CUX1: variants seen among roughly 807,000 people sequenced by gnomAD.
CUX1 encodes cut like homeobox 1, also known as protein CASP.
CUX1 carries 31 observed loss-of-function variants against 158.8 expected under a neutral mutation model. The observed-to-expected ratio is 0.20, with a 90% CI of 0.15 to 0.26. The LOEUF (loss-of-function observed/expected upper bound fraction) is 0.26. Ranked by LOEUF, CUX1 falls within the 10% of genes least tolerant of loss-of-function variation. The pLI, the probability that CUX1 is intolerant of heterozygous loss-of-function variation, is 1.00. For synonymous variants in CUX1, 879 were observed against 862.1 expected (o/e 1.02, Z -0.34); for missense variants, 1,589 against 2,014.6 (o/e 0.79, Z 4.04).
intron 3 of CUX1, among the ~76,000 whole-genome samples, chr7:102,031,487 A>G (rs1310127890): frequency 6.6e-6 from 1 of 152,192 alleles, no homozygotes; most frequent in Non-Finnish European, 1.5e-5. Context: ...TGAAATACCC[A>G]AGAAACATCT....
rs111458814 is a variant in CUX1 at position 102,146,743 on chromosome 7, G to A, written c.675-11817G>A. On this transcript the variant is annotated intron_variant, in intron 8 of 23. Coordinates refer to ENST00000292535, the MANE Select transcript of CUX1 (RefSeq NM_181552.4). ...CTCCTTAGTAGCTGGGATTACAGGC[G>A]CACGCCACCACACCTAGCTAATTTT... Among the ~76,000 whole-genome samples, 727 of 151,992 alleles carry A rather than the reference G, an allele frequency of 4.8e-3. 6 individuals carry two copies. Among genetic ancestry groups the A allele is most frequent in the African/African-American group, 0.017 (694 of 41,458 alleles).
In CUX1 at chr7:101,916,821, G is replaced by A. The variant is rs1339212757; in HGVS notation, c.141+596G>A. Among the ~76,000 whole-genome samples the A allele has an allele frequency of 6.6e-6, 1 of 152,100 alleles. No individual in the cohort carries two copies. Among genetic ancestry groups the A allele is most frequent in the Non-Finnish European group, 1.5e-5 (1 of 68,026 alleles). ...TTTTCTCTCGTGAGTGTGCAATCGGGGGACAGTGTTGAGTTGCTGGGGTGG... is the reference window on the plus strand; with the variant it reads ...TTTTCTCTCGTGAGTGTGCAATCGGAGGACAGTGTTGAGTTGCTGGGGTGG... On this transcript the variant is annotated intron_variant, in intron 2 of 23. Transcript: ENST00000292535. The surrounding 1 kb of genome is among the most constrained non-coding windows in gnomAD (Gnocchi z 4.4).
rs954715690 is a variant in CUX1 at position 102,123,726 on chromosome 7, G to A, written c.674+8453G>A. On this transcript the variant is annotated intron_variant, in intron 8 of 23. Coordinates refer to ENST00000292535, the MANE Select transcript of CUX1 (RefSeq NM_181552.4). Reference sequence around the variant, plus strand: ...CACCCAGGCTAGAGTACAGTGATGCGATCTTGGCTCACTACAACTTCTACC... The same window carrying A: ...CACCCAGGCTAGAGTACAGTGATGCAATCTTGGCTCACTACAACTTCTACC... 6.6e-5 allele frequency among the ~76,000 whole-genome samples: 10 copies of A among 151,822 alleles called. 1 individual carries two copies. In the South Asian group the frequency reaches 1.7e-3, roughly 25 times the overall value.
At chr7:102,034,751 CAA>C (rs33994794) in intron 3 of CUX1, among the ~76,000 whole-genome samples, 2 of 117,900 alleles carry the variant, frequency 1.7e-5, no homozygotes, top group Non-Finnish European at 1.7e-5. Context: ...GACTCCGTCT[CAA>C]AAAAAAAAAA....
Position 102,090,412 on chromosome 7 carries a change from G to A in CUX1, c.269-6952G>A, listed in dbSNP as rs188708181. 6.2e-4 allele frequency among the ~76,000 whole-genome samples: 94 copies of A among 151,068 alleles called. 1 individual carries two copies. The East Asian group carries it at 0.014, about 23-fold the overall frequency. ...GTTTTGTTTTGTTTTTTTTGAGATG[G>A]AGTCTCGCTCTGTCACCCAGGCTGG... On this transcript the variant is annotated intron_variant, in intron 4 of 23. Transcript: ENST00000292535.
At chr7:102,012,289 G>A (rs1451223655) in intron 2 of CUX1, among the ~76,000 whole-genome samples, 3 of 152,092 alleles carry the variant, frequency 2.0e-5, no homozygotes, top group Non-Finnish European at 2.9e-5. Context: ...CCGGGTTGAA[G>A]CAATTCTCAT....
At chr7:101,978,005 C>A (rs1254177383) in intron 2 of CUX1, among the ~76,000 whole-genome samples, 2 of 151,686 alleles carry the variant, frequency 1.3e-5, no homozygotes, top group Non-Finnish European at 2.9e-5. Context: ...TACAGGCTCT[C>A]CTGGTTCGGC....
chr7:101,873,996 A>C (rs1798865759), intron 1 of CUX1, among the ~76,000 whole-genome samples: 1 of 152,266 alleles, frequency 6.6e-6, no homozygotes, highest in Non-Finnish European at 1.5e-5. Flanking sequence ...AAAGAGGCCC[A>C]CAGTGCCTGC....
intron 8 of CUX1, among the ~76,000 whole-genome samples, chr7:102,143,923 C>T (rs1834742671): frequency 6.6e-6 from 1 of 152,094 alleles, no homozygotes; most frequent in Admixed American, 6.6e-5. Flanking sequence ...GCTGGAATTA[C>T]AGGCATGCAC....
chr7:102,197,676 TC>T (rs1234906330), intron 15 of CUX1, among the ~76,000 whole-genome samples: 1 of 151,958 alleles, frequency 6.6e-6, no homozygotes, highest in Non-Finnish European at 1.5e-5. Context: ...AGCCCTTAAG[TC>T]CCCTCCAGCC....
chr7:101,817,978 T>C lies in CUX1; in HGVS notation c.30+309T>C, dbSNP rs1302733965. Among the ~76,000 whole-genome samples the C allele has an allele frequency of 6.6e-6, 1 of 152,210 alleles. No homozygotes were observed. The highest frequency in any genetic ancestry group is 1.5e-5 in the Non-Finnish European group (1 of 68,034). ...ACGAAGCGGGTTGGATTAAAACATA[T>C]TTAAATGGAATCTGACAACTTTAAT... On this transcript the variant is annotated intron_variant, in intron 1 of 23. Transcript: ENST00000292535. The surrounding 1 kb of genome is among the most constrained non-coding windows in gnomAD (Gnocchi z 4.1).
Position 102,217,800 on chromosome 7 carries a change from A to G in CUX1, c.3131-9567A>G, listed in dbSNP as rs912100082. Among the ~76,000 whole-genome samples, 657 of 124,612 alleles carry G rather than the reference A, an allele frequency of 5.3e-3. 1 individual carries two copies. The highest frequency in any genetic ancestry group is 0.024 in the African/African-American group (601 of 25,568). The allele number at this position is 124,612 out of a possible 152,430, so 81.8% of individuals were successfully genotyped here. On this transcript the variant is annotated intron_variant, in intron 20 of 23. Coordinates refer to ENST00000292535, the MANE Select transcript of CUX1 (RefSeq NM_181552.4). ...AGAGGGAGGGAGGCTCTGGATGGAC[A>G]CGATGGTGTCTAGAGGGAGGGAGGA...
intron 3 of CUX1, among the ~76,000 whole-genome samples, chr7:102,036,181 C>G (rs34765461): frequency 6.6e-6 from 1 of 152,000 alleles, no homozygotes; most frequent in Non-Finnish European, 1.5e-5. Context: ...GTCTCAAACT[C>G]CTGACCTCAG....
chr7:102,179,433 G>A (rs1240687311), intron 11 of CUX1, among the ~76,000 whole-genome samples: 5 of 152,102 alleles, frequency 3.3e-5, no homozygotes, highest in Non-Finnish European at 5.9e-5. Flanking sequence ...AGCACTTCCG[G>A]TGCATGAGCC....
chr7:101,895,978 C>T (rs1053151192), intron 1 of CUX1, among the ~76,000 whole-genome samples: 6 of 141,670 alleles, frequency 4.2e-5, no homozygotes, highest in African/African-American at 8.2e-5. Flanking sequence ...GGCACAATCA[C>T]GGCTAATTGC....
At chr7:102,075,991 C>T (rs912699263) in intron 4 of CUX1, among the ~76,000 whole-genome samples, 8 of 152,108 alleles carry the variant, frequency 5.3e-5, no homozygotes, top group African/African-American at 1.9e-4. Flanking sequence ...CCCTCCACCC[C>T]AGCTTATCCC....
intron 4 of CUX1, among the ~76,000 whole-genome samples, chr7:102,073,208 C>T (rs1220012780): frequency 9.3e-6 from 1 of 107,254 alleles, no homozygotes; most frequent in Non-Finnish European, 1.7e-5. Context: ...GAGTCGCACT[C>T]TGTCAAAGAG....
upstream of CUX1, chr7:101,817,076 C>G (rs1562877512): frequency 1.0e-6 from 1 of 984,430 alleles, no homozygotes; most frequent in African/African-American, 1.8e-5. The surrounding 1 kb of genome is among the most constrained non-coding windows in gnomAD (Gnocchi z 4.1). Flanking sequence ...CGAGGGGCGG[C>G]GGGGGTGCCC....
At chr7:101,829,108 G>A (rs1033239025) in intron 1 of CUX1, among the ~76,000 whole-genome samples, 1 of 152,138 alleles carries the variant, frequency 6.6e-6, no homozygotes, top group Non-Finnish European at 1.5e-5. Context: ...AGTGTTGGCT[G>A]GTGCTGGAGA....
Sources: allele counts gnomAD v4.1 joint callset (sites outside exome capture counted in the v4.1 genomes callset), GRCh38; gene constraint gnomAD v4.1.1; non-coding constraint Gnocchi (gnomAD v3.1); transcripts MANE v1.5; gene names NCBI Gene and HGNC (gene_info 2026-07-23, HGNC 2026-07-21).